The following FHIT variants were observed in gnomAD, a reference collection of about 807,000 sequenced individuals.
FHIT encodes fragile histidine triad diadenosine triphosphatase.
In FHIT, 19 loss-of-function variants were observed where a neutral mutation model predicts 17.9. The ratio of observed to expected loss-of-function variants is 1.06; its 90% CI spans 0.74 to 1.56. The LOEUF (loss-of-function observed/expected upper bound fraction) is 1.56. Ranked by LOEUF, FHIT falls within the 40% of genes most tolerant of loss-of-function variation. The pLI is 0.00. For missense variants in FHIT, 248 were observed against 189.2 expected (o/e 1.31, Z -1.82); for synonymous variants, 81 against 69.7 (o/e 1.16, Z -0.81).
intron 5 of FHIT, among the ~76,000 whole-genome samples, chr3:60,362,991 A>G (rs149489517): frequency 8.0e-4 from 122 of 152,332 alleles, no homozygotes; most frequent in African/African-American, 2.9e-3. Context: ...CATGTTGGGT[A>G]AATCTAGCAA....
At chr3:60,418,281 T>C (rs1156290652) in intron 5 of FHIT, among the ~76,000 whole-genome samples, 4 of 150,556 alleles carry the variant, frequency 2.7e-5, no homozygotes, top group African/African-American at 9.8e-5. Flanking sequence ...TTTAAAAATA[T>C]GTATTAACAT....
At chr3:60,731,200 TGA>T (rs1246592764) in intron 4 of FHIT, among the ~76,000 whole-genome samples, 3 of 152,098 alleles carry the variant, frequency 2.0e-5, no homozygotes, top group African/African-American at 7.2e-5. Context: ...CGAACATATC[TGA>T]GTCATGCGTC....
intron 1 of FHIT, among the ~76,000 whole-genome samples, chr3:61,245,360 A>G (rs2040464849): frequency 6.6e-6 from 1 of 152,212 alleles, no homozygotes; most frequent in Non-Finnish European, 1.5e-5. Context: ...ACACATAGAA[A>G]GTAGCAGAAC....
At chr3:59,907,633 T>C (rs1360219116) in intron 8 of FHIT, among the ~76,000 whole-genome samples, 1 of 152,148 alleles carries the variant, frequency 6.6e-6, no homozygotes. Context: ...TGGGGCAGGG[T>C]GTGCTCTACC....
At chr3:61,127,372 A>T (rs1045329927) in intron 2 of FHIT, among the ~76,000 whole-genome samples, 1 of 152,220 alleles carries the variant, frequency 6.6e-6, no homozygotes, top group African/African-American at 2.4e-5. Context: ...TTTTATATAA[A>T]AGATCGATAC....
At chr3:60,915,614 C>G (rs1706957096) in intron 3 of FHIT, among the ~76,000 whole-genome samples, 1 of 151,946 alleles carries the variant, frequency 6.6e-6, no homozygotes, top group Admixed American at 6.6e-5. Context: ...AAAGTCATGA[C>G]AAGAAATAAA....
chr3:60,149,379 T>C (rs1266815616), intron 5 of FHIT, among the ~76,000 whole-genome samples: 1 of 152,116 alleles, frequency 6.6e-6, no homozygotes, highest in African/African-American at 2.4e-5. Flanking sequence ...ATGGACTGTA[T>C]TGAAAACAAA....
At chr3:60,878,406 T>G (rs1323041334) in intron 3 of FHIT, among the ~76,000 whole-genome samples, 1 of 152,020 alleles carries the variant, frequency 6.6e-6, no homozygotes, top group Non-Finnish European at 1.5e-5. Flanking sequence ...TTATCCCCAT[T>G]GTGAGGAAAA....
intron 7 of FHIT, among the ~76,000 whole-genome samples, chr3:59,949,182 C>T (rs190776486): frequency 6.6e-6 from 1 of 152,322 alleles, no homozygotes; most frequent in African/African-American, 2.4e-5. Flanking sequence ...AGATATGAGT[C>T]CTTCATCAGT....
intron 8 of FHIT, among the ~76,000 whole-genome samples, chr3:59,915,601 C>T (rs1705096130): frequency 6.6e-6 from 1 of 152,190 alleles, no homozygotes; most frequent in African/African-American, 2.4e-5. Flanking sequence ...CTCACCATCA[C>T]TACCATTATA....
Position 61,089,145 on chromosome 3 carries a change from T to C in FHIT, c.-163-47046A>G, listed in dbSNP as rs144745733. Among the ~76,000 whole-genome samples, 761 of 152,144 alleles carry C rather than the reference T, an allele frequency of 5.0e-3. 6 individuals are homozygous for C. Among genetic ancestry groups the C allele is most frequent in the Non-Finnish European group, 8.0e-3 (544 of 68,006 alleles). On this transcript the variant is annotated intron_variant, in intron 2 of 9. Transcript: ENST00000492590. The stretch of plus-strand genomic sequence containing the variant: ...TTATTCAACATTTGGAAAACTGGCA[T>C]AGGGCATCCAAAGTGGGGTGAGAAG...
At chr3:59,909,685 C>T (rs985415856) in intron 8 of FHIT, among the ~76,000 whole-genome samples, 6 of 152,158 alleles carry the variant, frequency 3.9e-5, no homozygotes, top group Admixed American at 2.0e-4. Flanking sequence ...AGCTCACACA[C>T]ACATGTATTT....
intron 5 of FHIT, among the ~76,000 whole-genome samples, chr3:60,313,533 C>G (rs1212634170): frequency 6.6e-6 from 1 of 152,172 alleles, no homozygotes; most frequent in Non-Finnish European, 1.5e-5. Context: ...AACCCTGTCA[C>G]TTTATACAAA....
Position 59,771,298 on chromosome 3 carries a change from G to T in FHIT, c.349-18977C>A, listed in dbSNP as rs1053505335. ...GAGAGAATGAACCTGCTCTATAAAGGCCAAAGACAGGAAATGAGAATCATT... is the reference window on the plus strand; with the variant it reads ...GAGAGAATGAACCTGCTCTATAAAGTCCAAAGACAGGAAATGAGAATCATT... On this transcript the variant is annotated intron_variant, in intron 8 of 9. Transcript: ENST00000492590. 7.9e-5 allele frequency among the ~76,000 whole-genome samples: 12 copies of T among 152,244 alleles called. No individual in the cohort carries two copies. In the South Asian group the frequency reaches 2.3e-3, roughly 29 times the overall value.
At chr3:60,345,248 T>C (rs1490217055) in intron 5 of FHIT, among the ~76,000 whole-genome samples, 2 of 152,194 alleles carry the variant, frequency 1.3e-5, no homozygotes, top group African/African-American at 2.4e-5. Context: ...CAGGTCCCTG[T>C]TGAAGCTGGG....
At chr3:60,328,737 C>T (rs1004266116) in intron 5 of FHIT, among the ~76,000 whole-genome samples, 1 of 152,214 alleles carries the variant, frequency 6.6e-6, no homozygotes, top group Admixed American at 6.5e-5. Flanking sequence ...AAGATTGTGC[C>T]CCACCTGTAT....
intron 8 of FHIT, among the ~76,000 whole-genome samples, chr3:59,903,652 G>C (rs1233618858): frequency 6.6e-6 from 1 of 152,148 alleles, no homozygotes; most frequent in Non-Finnish European, 1.5e-5. Context: ...GATTATTGTA[G>C]CCTGGAGTAG....
chr3:60,984,036 A>G (rs1460404851), intron 3 of FHIT, among the ~76,000 whole-genome samples: 4 of 152,238 alleles, frequency 2.6e-5, no homozygotes, highest in African/African-American at 9.6e-5. Flanking sequence ...GCCCTTCCAG[A>G]GCATCTTCCA....
chr3:60,578,042 T>A (rs1553658217), intron 4 of FHIT, among the ~76,000 whole-genome samples: 1 of 152,074 alleles, frequency 6.6e-6, no homozygotes, highest in African/African-American at 2.4e-5. Flanking sequence ...GATAACATGA[T>A]TAAAAATCAT....
Sources: allele counts gnomAD v4.1 joint callset (sites outside exome capture counted in the v4.1 genomes callset), GRCh38; gene constraint gnomAD v4.1.1; transcripts MANE v1.5; gene names NCBI Gene and HGNC (gene_info 2026-07-23, HGNC 2026-07-21).